Variants in NSUN4 observed in about 807,000 individuals in gnomAD.
The protein encoded by NSUN4 is 5-cytosine rRNA methyltransferase NSUN4.
A neutral mutation model predicts 43.8 loss-of-function variants in NSUN4; 31 were observed. The ratio of observed to expected loss-of-function variants is 0.71; its 90% confidence interval spans 0.53 to 0.96. NSUN4 has a LOEUF of 0.96. Ranked by LOEUF, NSUN4 falls within the 40% of genes least tolerant of loss-of-function variation. The probability of loss-of-function intolerance (pLI) is 0.00; values close to 1 mark genes in which losing one functional copy is unlikely to be tolerated. For missense variants in NSUN4, 439 were observed against 475.6 expected (o/e 0.92, Z 0.72); for synonymous variants, 167 against 184.1 (o/e 0.91, Z 0.75).
At chr1:46,352,451 TA>T (rs111689344) in intron 3 of NSUN4, among the ~76,000 whole-genome samples, 32,945 of 139,384 alleles carry the variant, frequency 0.24, 4,067 homozygotes, top group Non-Finnish European at 0.3. Flanking sequence ...GACTCTGTCT[TA>T]AAAAAAAAAC....
intron 3 of NSUN4, among the ~76,000 whole-genome samples, chr1:46,351,134 C>G (rs324413): frequency 0.9 from 136,910 of 152,136 alleles, 61,683 homozygotes; most frequent in East Asian, 0.97. Context: ...GGGAGGCCGA[C>G]GCAGGCAGAT....
intron 1 of NSUN4, chr1:46,341,793 C>T (rs1435991411): frequency 1.6e-6 from 2 of 1,232,434 alleles, no homozygotes; most frequent in Non-Finnish European, 2.0e-6. Context: ...TCCGGGGTCA[C>T]CCCCTCTCTG....
chr1:46,379,914 C>A, the NSUN4 span, among the ~76,000 whole-genome samples: 2 of 152,046 alleles, frequency 1.3e-5, no homozygotes, highest in East Asian at 1.9e-4. Context: ...ACTTAATCAC[C>A]TCCCCCAAAA....
intron 3 of NSUN4, among the ~76,000 whole-genome samples, chr1:46,347,683 G>A (rs1662612516): frequency 6.6e-6 from 1 of 151,846 alleles, no homozygotes; most frequent in Non-Finnish European, 1.5e-5. Flanking sequence ...CATTTCTTTA[G>A]CCTACCAACT....
chr1:46,378,707 A>C, the NSUN4 span, among the ~76,000 whole-genome samples: 2 of 152,174 alleles, frequency 1.3e-5, no homozygotes, highest in Non-Finnish European at 1.5e-5. Flanking sequence ...GTCTGAGTCT[A>C]TGGTTTGGTG....
In NSUN4 at chr1:46,362,622, G is replaced by T. The variant is rs531314170; in HGVS notation, c.*776G>T. On this transcript the variant is annotated 3_prime_UTR_variant, in exon 6 of 6. Coordinates refer to ENST00000474844, the MANE Select transcript of NSUN4 (RefSeq NM_199044.4). ...AGGTAGCTAGGGAGCTCTTGGAGAT[G>T]TAGCAGTTGGGATTGTGGGAGATTA... 1 of 152,352 alleles carries T rather than the reference G, an allele frequency of 6.6e-6. No individual in the cohort carries two copies. The highest frequency in any genetic ancestry group is 2.1e-4 in the South Asian group (1 of 4,828). The allele number at this position is 152,352 out of a possible 1,614,324, so 9.4% of individuals were successfully genotyped here.
chr1:46,362,218 T>G lies in NSUN4; in HGVS notation c.*372T>G, dbSNP rs929071899. ...AGACCTGGGGCTGCAGTTGGGGACTTCATGTCAGTGCAAATGCCATTAGTT... is the reference window on the plus strand; with the variant it reads ...AGACCTGGGGCTGCAGTTGGGGACTGCATGTCAGTGCAAATGCCATTAGTT... On this transcript the variant is annotated 3_prime_UTR_variant, in exon 6 of 6. Transcript: ENST00000474844. 2.6e-5 allele frequency: 6 copies of G among 232,044 alleles called. No homozygotes were observed. The highest frequency in any genetic ancestry group is 1.4e-4 in the African/African-American group (6 of 43,744). The allele number at this position is 232,044 out of a possible 1,614,324, so 14.4% of individuals were successfully genotyped here. A position where few individuals can be genotyped will look rare whatever the true frequency, so the allele number is the denominator to read the frequency against.
At chr1:46,355,483 G>A (rs1288436095) in intron 4 of NSUN4, among the ~76,000 whole-genome samples, 1 of 152,088 alleles carries the variant, frequency 6.6e-6, no homozygotes, top group Non-Finnish European at 1.5e-5. Flanking sequence ...TGTAAAATGA[G>A]GATAATAGTA....
At chr1:46,348,709 CAAAAAAAAAAAAAAA>C (rs34999763) in intron 3 of NSUN4, among the ~76,000 whole-genome samples, 2 of 52,138 alleles carry the variant, frequency 3.8e-5, no homozygotes, top group Non-Finnish European at 6.4e-5. Flanking sequence ...AACTCTGTCT[CAAAAAAAAAAAAAAA>C]AAAAAAAAAA....
chr1:46,340,971 C>T (rs1250719824), intron 1 of NSUN4, 52 bp downstream of exon 1: 8 of 1,495,926 alleles, frequency 5.3e-6, no homozygotes, highest in Non-Finnish European at 7.3e-6. Flanking sequence ...GAAACTTCTC[C>T]AGTCTTTCCG....
chr1:46,382,550 A>G, the NSUN4 span, among the ~76,000 whole-genome samples: 92 of 152,126 alleles, frequency 6.0e-4, no homozygotes, highest in South Asian at 3.3e-3. Flanking sequence ...GACACAAGTT[A>G]TTTAATGCCA....
chr1:46,382,304 C>T, the NSUN4 span, among the ~76,000 whole-genome samples: 2 of 152,172 alleles, frequency 1.3e-5, no homozygotes, highest in African/African-American at 4.8e-5. Flanking sequence ...GTAAAAAAGT[C>T]GTTGGGACAA....
At chr1:46,348,668 CA>C (rs1390034492) in intron 3 of NSUN4, among the ~76,000 whole-genome samples, 3 of 131,422 alleles carry the variant, frequency 2.3e-5, no homozygotes, top group African/African-American at 8.6e-5. Flanking sequence ...GAGATCACGC[CA>C]TTGCACTTCC....
chr1:46,357,329 G>A (rs1304181552), intron 4 of NSUN4, among the ~76,000 whole-genome samples: 1 of 152,170 alleles, frequency 6.6e-6, no homozygotes, highest in Non-Finnish European at 1.5e-5. Flanking sequence ...ACAGGCATGT[G>A]CCAGCATGTC....
In NSUN4 at chr1:46,361,841, A is replaced by G. The variant is rs1370706970; in HGVS notation, c.1150A>G (p.Thr384Ala). 4 of 1,613,552 alleles carry G rather than the reference A, an allele frequency of 2.5e-6. No homozygotes were observed. In the Admixed American group the frequency reaches 5.0e-5, roughly 20 times the overall value. The stretch of plus-strand genomic sequence containing the variant: ...GTACTTCTGCAAAATGCGTAGGCTG[A>G]CATAGTATCACCCAATCCCTGAAGC... The part of the protein sequence containing the change: ...PMYFCKMRRL[T>A] The change falls in exon 6 of 6, where the codon ACA becomes GCA. Residue 384 changes from threonine to alanine, a missense_variant. Transcript: ENST00000474844.
chr1:46,347,080 G>A lies in NSUN4; in HGVS notation c.592+5G>A. Reference sequence around the variant, plus strand: ...TGCTTCAGACTGGCTGTTGCCGTAAGTCAGGGTGCTGGTGTGTTGGGCAGA... The same window carrying A: ...TGCTTCAGACTGGCTGTTGCCGTAAATCAGGGTGCTGGTGTGTTGGGCAGA... On this transcript the variant is annotated splice_donor_5th_base_variant and intron_variant, in intron 3 of 5. Transcript: ENST00000474844. 1 of 1,613,346 alleles carries A rather than the reference G, an allele frequency of 6.2e-7. No homozygotes were observed. The highest frequency in any genetic ancestry group is 1.1e-5 in the South Asian group (1 of 91,014).
At position 46,340,825 on chromosome 1, in the gene NSUN4, A is replaced by T. The variant is rs548838519; in HGVS notation, c.-2A>T. ...CGGAATTACCCCGTGGAGCACGCCG[A>T]TATGGCTGCGCTGACACTGAGGGGT... is the stretch of plus-strand genomic sequence containing the variant. On this transcript the variant is annotated 5_prime_UTR_variant, in exon 1 of 6. Coordinates refer to ENST00000474844, the MANE Select transcript of NSUN4 (RefSeq NM_199044.4). 2.5e-6 allele frequency: 4 copies of T among 1,609,658 alleles called. No homozygotes were observed. In the East Asian group the frequency reaches 8.9e-5, roughly 36 times the overall value.
intron 3 of NSUN4, 118 bp from the exon 4 acceptor site, chr1:46,352,750 C>G (rs1663093671): frequency 2.1e-6 from 2 of 943,696 alleles, no homozygotes; most frequent in African/African-American, 3.2e-5. Flanking sequence ...ATAAATGTTC[C>G]TGATGCTGGG....
At chr1:46,341,392 G>C in intron 1 of NSUN4, 1 of 1,003,124 alleles carries the variant, frequency 1.0e-6, no homozygotes, top group Non-Finnish European at 1.2e-6. Flanking sequence ...CCGCCGCCTT[G>C]CAGGAAAGGA....
Sources: allele counts gnomAD v4.1 joint callset (sites outside exome capture counted in the v4.1 genomes callset), GRCh38; gene constraint gnomAD v4.1.1; transcripts MANE v1.5; gene names NCBI Gene and HGNC (gene_info 2026-07-23, HGNC 2026-07-21).